NRG4: variants seen among roughly 807,000 people sequenced by gnomAD.
The protein encoded by NRG4 is pro-neuregulin-4, membrane-bound isoform.
Under a neutral mutation model 15.0 loss-of-function variants are expected in NRG4, and 10 were observed. The ratio of observed to expected loss-of-function variants is 0.67; its 90% CI spans 0.41 to 1.13. The LOEUF (loss-of-function observed/expected upper bound fraction) is 1.13. NRG4 is among the 50% of genes most tolerant of loss of function. NRG4 has a pLI of 0.00. For missense variants in NRG4, 139 were observed against 140.2 expected (o/e 0.99, Z 0.04); for synonymous variants, 41 against 50.1 (o/e 0.82, Z 0.77).
intron 3 of NRG4, among the ~76,000 whole-genome samples, chr15:75,997,914 G>A (rs770414817): frequency 8.5e-5 from 13 of 152,178 alleles, no homozygotes; most frequent in Non-Finnish European, 1.5e-4. Context: ...CTAACTGTAT[G>A]TGAGGCTCAA....
chr15:76,045,840 A>G (rs2035857070), intron 4 of NRG4, among the ~76,000 whole-genome samples: 1 of 150,998 alleles, frequency 6.6e-6, no homozygotes, highest in African/African-American at 2.5e-5. Flanking sequence ...CAAATTAGTA[A>G]GAAAGGATCA....
rs556948907 is a variant in NRG4 at position 75,998,092 on chromosome 15, C to T, written c.104+11108G>A. Reference sequence around the variant, plus strand: ...ATAATGTGAAACCCGAGAGAATTAACAGAAAAATTATTATAATGATAACAG... The same window carrying T: ...ATAATGTGAAACCCGAGAGAATTAATAGAAAAATTATTATAATGATAACAG... On this transcript the variant is annotated intron_variant, in intron 3 of 5. Coordinates refer to ENST00000394907, the MANE Select transcript of NRG4 (RefSeq NM_138573.4). Among the ~76,000 whole-genome samples the T allele has an allele frequency of 1.2e-4, 18 of 152,278 alleles. 2 individuals are homozygous for T. The South Asian group carries it at 3.5e-3, about 30-fold the overall frequency.
At chr15:75,998,472 C>T (rs76362754) in intron 3 of NRG4, among the ~76,000 whole-genome samples, 1,637 of 152,212 alleles carry the variant, frequency 0.011, 35 homozygotes, top group African/African-American at 0.037. Flanking sequence ...GCCAGGCCAA[C>T]ACCTTAAGTC....
chr15:75,996,848 G>A (rs1596002979), intron 3 of NRG4, among the ~76,000 whole-genome samples: 1 of 152,076 alleles, frequency 6.6e-6, no homozygotes, highest in East Asian at 1.9e-4. Context: ...ATATCATAAA[G>A]ATCTATAAAT....
At chr15:75,985,942 A>C (rs2033784555) in intron 3 of NRG4, among the ~76,000 whole-genome samples, 1 of 152,234 alleles carries the variant, frequency 6.6e-6, no homozygotes, top group Admixed American at 6.5e-5. Flanking sequence ...TTTATTATAT[A>C]AACAATTTCT....
At chr15:76,018,778 G>T (rs2035063899) in intron 5 of NRG4, among the ~76,000 whole-genome samples, 1 of 152,180 alleles carries the variant, frequency 6.6e-6, no homozygotes, top group South Asian at 2.1e-4. Context: ...CCTACTGGGA[G>T]GTGTCTCCCC....
At chr15:75,960,796 C>T (rs900065984) in intron 4 of NRG4, among the ~76,000 whole-genome samples, 5 of 151,992 alleles carry the variant, frequency 3.3e-5, no homozygotes, top group African/African-American at 9.7e-5. Flanking sequence ...GGCCATCCCT[C>T]GGAAATGCAA....
At chr15:76,000,401 T>C (rs1279271820) in intron 3 of NRG4, among the ~76,000 whole-genome samples, 4 of 152,092 alleles carry the variant, frequency 2.6e-5, no homozygotes, top group Non-Finnish European at 5.9e-5. Flanking sequence ...AAATACATTA[T>C]CAAAAAGATT....
chr15:75,989,358 C>T (rs2033922270), intron 3 of NRG4, among the ~76,000 whole-genome samples: 1 of 152,266 alleles, frequency 6.6e-6, no homozygotes, highest in East Asian at 1.9e-4. Flanking sequence ...GATGAATGCT[C>T]TCAGTCACTG....
chr15:76,059,906 A>AGGGAGCGGC (rs1348649186), upstream of NRG4: 1 of 136,664 alleles, frequency 7.3e-6, no homozygotes, highest in African/African-American at 2.6e-5. Flanking sequence ...GGAGGGGCGG[A>AGGGAGCGGC]GGGAGCGGCG....
At position 75,999,994 on chromosome 15, in the gene NRG4, C is replaced by T. The variant is rs146095664; in HGVS notation, c.104+9206G>A. On this transcript the variant is annotated intron_variant, in intron 3 of 5. Coordinates refer to ENST00000394907, the MANE Select transcript of NRG4 (RefSeq NM_138573.4). ...TGCCTCCCAGATTCAAGAGATTCTCCCACCTCAGTCTCCTGAGTAGCTGGG... is the reference window on the plus strand; with the variant it reads ...TGCCTCCCAGATTCAAGAGATTCTCTCACCTCAGTCTCCTGAGTAGCTGGG... Among the ~76,000 whole-genome samples the T allele has an allele frequency of 6.9e-3, 1,057 of 152,250 alleles. 12 individuals are homozygous for T. The highest frequency in any genetic ancestry group is 0.023 in the African/African-American group (962 of 41,542).
intron 5 of NRG4, among the ~76,000 whole-genome samples, chr15:75,951,725 G>A (rs932300918): frequency 6.6e-6 from 1 of 151,930 alleles, no homozygotes; most frequent in African/African-American, 2.4e-5. Context: ...TATTTCCCTC[G>A]CTACCCTCCC....
chr15:76,057,810 TATAA>T (rs1426059100), intron 1 of NRG4, among the ~76,000 whole-genome samples: 3 of 150,790 alleles, frequency 2.0e-5, no homozygotes, highest in Non-Finnish European at 4.4e-5. Flanking sequence ...GCTATTATAT[TATAA>T]ATACATAATA....
At chr15:75,999,824 C>G (rs1020424547) in intron 3 of NRG4, among the ~76,000 whole-genome samples, 2 of 152,084 alleles carry the variant, frequency 1.3e-5, no homozygotes, top group Non-Finnish European at 2.9e-5. Context: ...TCATTTGAAA[C>G]CAGAAGTTCA....
intron 3 of NRG4, among the ~76,000 whole-genome samples, chr15:75,998,048 TTATCAAATTC>T (rs1347545343): frequency 6.6e-6 from 1 of 152,192 alleles, no homozygotes; most frequent in African/African-American, 2.4e-5. Context: ...TCACTCTGCT[TTATCAAATTC>T]TATCCTACAT....
chr15:76,036,735 T>C lies in NRG4; in HGVS notation c.-104-744A>G, dbSNP rs138239037. Among the ~76,000 whole-genome samples the C allele has an allele frequency of 2.0e-5, 3 of 152,330 alleles. No homozygotes were observed. The East Asian group carries it at 5.8e-4, about 29-fold the overall frequency. On this transcript the variant is annotated intron_variant, in intron 4 of 8. Transcript: ENST00000563910. ...ATTCAACAAGTGCTAGCTATTATCA[T>C]CACTCTTAATTGGGAAACTTAAATA...
intron 5 of NRG4, among the ~76,000 whole-genome samples, chr15:76,027,174 T>C (rs914969427): frequency 6.6e-6 from 1 of 152,000 alleles, no homozygotes; most frequent in Non-Finnish European, 1.5e-5. Context: ...ATATACTGCC[T>C]ATAAGAAACT....
chr15:76,021,402 C>CTATA (rs965627280), intron 5 of NRG4, among the ~76,000 whole-genome samples: 9 of 152,116 alleles, frequency 5.9e-5, no homozygotes, highest in African/African-American at 2.2e-4. Context: ...ACCTAATAGG[C>CTATA]TATAGTATAA....
chr15:76,034,333 T>A (rs1268010952), intron 5 of NRG4, among the ~76,000 whole-genome samples: 1 of 152,214 alleles, frequency 6.6e-6, no homozygotes, highest in East Asian at 1.9e-4. Flanking sequence ...CACACCATTA[T>A]CTTAAGGACA....
Sources: allele counts gnomAD v4.1 joint callset (sites outside exome capture counted in the v4.1 genomes callset), GRCh38; gene constraint gnomAD v4.1.1; transcripts MANE v1.5; gene names NCBI Gene and HGNC (gene_info 2026-07-23, HGNC 2026-07-21).